AGPS: variants seen among roughly 807,000 people sequenced by gnomAD.
AGPS encodes the protein alkyldihydroxyacetonephosphate synthase, peroxisomal.
Under a neutral mutation model 90.7 loss-of-function variants are expected in AGPS, and 26 were observed. The ratio of observed to expected loss-of-function variants is 0.29; its 90% CI spans 0.21 to 0.40. The LOEUF (loss-of-function observed/expected upper bound fraction) is 0.40, where lower values mean the gene tolerates loss of function less well. AGPS is among the 10% of genes least tolerant of loss of function. The pLI, the probability that AGPS is intolerant of heterozygous loss-of-function variation, is 1.00. For synonymous variants in AGPS, 294 were observed against 285.3 expected (o/e 1.03, Z -0.31); for missense variants, 540 against 816.1 (o/e 0.66, Z 4.12).
At chr2:177,459,963 C>T (rs1687242117) in intron 8 of AGPS, among the ~76,000 whole-genome samples, 2 of 152,190 alleles carry the variant, frequency 1.3e-5, no homozygotes, top group Admixed American at 6.5e-5. Context: ...GGCACATATA[C>T]ACCATGGAAT....
chr2:177,521,384 T>A lies in AGPS; in HGVS notation c.1797+16T>A. 6.4e-7 allele frequency: 1 copy of A among 1,564,506 alleles called. No individual in the cohort carries two copies. Among genetic ancestry groups the A allele is most frequent in the Non-Finnish European group, 8.8e-7 (1 of 1,134,984 alleles). ...ACAAACTGAGGTAATTTTGCATACC[T>A]GCATATAGCTTTTACAGCTGTTGAT... On this transcript the variant is annotated intron_variant, in intron 18 of 19. Coordinates refer to ENST00000264167, the MANE Select transcript of AGPS (RefSeq NM_003659.4).
intron 8 of AGPS, among the ~76,000 whole-genome samples, chr2:177,448,556 A>G (rs1182210755): frequency 2.0e-5 from 3 of 152,166 alleles, no homozygotes; most frequent in Non-Finnish European, 4.4e-5. Flanking sequence ...TGTCTCCAAA[A>G]TGTGTCTGTT....
At chr2:177,502,373 T>G (rs1559074731) in intron 14 of AGPS, among the ~76,000 whole-genome samples, 1 of 151,962 alleles carries the variant, frequency 6.6e-6, no homozygotes, top group Admixed American at 6.6e-5. Context: ...GATTGTTATT[T>G]GGCAGATTAC....
At chr2:177,403,897 A>G (rs1685396966) in intron 1 of AGPS, among the ~76,000 whole-genome samples, 1 of 152,206 alleles carries the variant, frequency 6.6e-6, no homozygotes, top group Admixed American at 6.5e-5. Context: ...TTTCCCTATT[A>G]TAGAGAATGC....
At chr2:177,481,311 T>C (rs1205767719) in intron 10 of AGPS, among the ~76,000 whole-genome samples, 1 of 152,032 alleles carries the variant, frequency 6.6e-6, no homozygotes, top group Non-Finnish European at 1.5e-5. Context: ...ACTTATTTTT[T>C]CCTCTCTAAT....
At chr2:177,496,402 A>G (rs1206023695) in intron 12 of AGPS, among the ~76,000 whole-genome samples, 1 of 152,154 alleles carries the variant, frequency 6.6e-6, no homozygotes, top group East Asian at 1.9e-4. Context: ...TGTTTTGATG[A>G]TACGTTATTT....
At chr2:177,431,897 A>G (rs6717457) in intron 2 of AGPS, among the ~76,000 whole-genome samples, 131,316 of 152,174 alleles carry the variant, frequency 0.86, 56,869 homozygotes, top group East Asian at 0.95. Flanking sequence ...GCTTATGAAG[A>G]TAACAGGATT....
intron 9 of AGPS, among the ~76,000 whole-genome samples, chr2:177,467,462 T>G (rs1559059730): frequency 6.6e-6 from 1 of 152,212 alleles, no homozygotes; most frequent in Non-Finnish European, 1.5e-5. Context: ...TTTAGTTGAT[T>G]TGTTGGATCA....
chr2:177,475,100 G>A (rs1174540140), intron 10 of AGPS, among the ~76,000 whole-genome samples: 1 of 152,190 alleles, frequency 6.6e-6, no homozygotes, highest in African/African-American at 2.4e-5. Context: ...TAGAAGAGAT[G>A]ATTCATGCCT....
chr2:177,394,346 T>C (rs556159022), intron 1 of AGPS, among the ~76,000 whole-genome samples: 15 of 152,324 alleles, frequency 9.8e-5, no homozygotes, highest in Admixed American at 9.8e-4. Flanking sequence ...AAAGTAAAGA[T>C]TGTCTGAGTA....
chr2:177,458,097 A>C (rs1325649570), intron 8 of AGPS, among the ~76,000 whole-genome samples: 1 of 152,192 alleles, frequency 6.6e-6, no homozygotes, highest in Non-Finnish European at 1.5e-5. Context: ...ACCACATGAT[A>C]ATCTCAATAG....
chr2:177,501,912 C>T (rs756266628), intron 14 of AGPS, among the ~76,000 whole-genome samples: 5 of 152,150 alleles, frequency 3.3e-5, no homozygotes, highest in South Asian at 2.1e-4. Flanking sequence ...GTGGTCCACC[C>T]GCCTTGGCCT....
At chr2:177,522,903 G>A (rs1479299465) in intron 18 of AGPS, among the ~76,000 whole-genome samples, 1 of 152,156 alleles carries the variant, frequency 6.6e-6, no homozygotes, top group Non-Finnish European at 1.5e-5. Context: ...TTACCTCGTA[G>A]CCATTATATA....
chr2:177,467,474 G>C (rs1396660364), intron 9 of AGPS, among the ~76,000 whole-genome samples: 4 of 152,068 alleles, frequency 2.6e-5, no homozygotes, highest in Non-Finnish European at 5.9e-5. Context: ...GTTGGATCAA[G>C]AAGTTTATAC....
chr2:177,492,300 G>A (rs1240282309), intron 11 of AGPS, among the ~76,000 whole-genome samples: 1 of 152,068 alleles, frequency 6.6e-6, no homozygotes, highest in African/African-American at 2.4e-5. Flanking sequence ...AAATATATAT[G>A]TTATATGTAT....
At chr2:177,491,694 A>G (rs1402129226) in intron 11 of AGPS, among the ~76,000 whole-genome samples, 1 of 147,386 alleles carries the variant, frequency 6.8e-6, no homozygotes, top group Non-Finnish European at 1.5e-5. Flanking sequence ...AGACTTGCAT[A>G]TTTTAATTGT....
chr2:177,533,073 A>C (rs1323290777), intron 19 of AGPS, among the ~76,000 whole-genome samples: 1 of 152,206 alleles, frequency 6.6e-6, no homozygotes, highest in Non-Finnish European at 1.5e-5. Context: ...TTTGATAGCT[A>C]CCAGATGAGT....
At chr2:177,438,022 A>G (rs1041943872) in intron 5 of AGPS, among the ~76,000 whole-genome samples, 5 of 152,222 alleles carry the variant, frequency 3.3e-5, no homozygotes, top group African/African-American at 1.2e-4. Flanking sequence ...GTTCCTGAGG[A>G]AAAGATATTC....
chr2:177,480,837 C>T (rs1337508408), intron 10 of AGPS, among the ~76,000 whole-genome samples: 1 of 151,798 alleles, frequency 6.6e-6, no homozygotes, highest in African/African-American at 2.4e-5. Flanking sequence ...AGTAAAGATG[C>T]TAAAACAAAA....
Sources: allele counts gnomAD v4.1 joint callset (sites outside exome capture counted in the v4.1 genomes callset), GRCh38; gene constraint gnomAD v4.1.1; transcripts MANE v1.5; gene names NCBI Gene and HGNC (gene_info 2026-07-23, HGNC 2026-07-21).